Variants in MPP7 observed in about 807,000 individuals in gnomAD.
The protein encoded by MPP7 is MAGUK p55 scaffold protein 7.
In MPP7, 60 loss-of-function variants were observed where a neutral mutation model predicts 76.5. That is an observed-to-expected ratio of 0.78 (90% CI 0.64 to 0.97). MPP7 has a LOEUF of 0.97. Ranked by LOEUF, MPP7 falls within the 50% of genes least tolerant of loss-of-function variation. The pLI is 0.00. For synonymous variants in MPP7, 237 were observed against 244.5 expected (o/e 0.97, Z 0.29); for missense variants, 641 against 694.0 (o/e 0.92, Z 0.86).
intron 2 of MPP7, among the ~76,000 whole-genome samples, chr10:28,320,639 A>G (rs560527752): frequency 3.3e-5 from 5 of 152,268 alleles, no homozygotes; most frequent in African/African-American, 9.6e-5. Flanking sequence ...ATCACTACAC[A>G]TCGTTTCATA....
chr10:28,274,633 A>T (rs1319212021), intron 1 of MPP7, among the ~76,000 whole-genome samples: 1 of 152,122 alleles, frequency 6.6e-6, no homozygotes, highest in Non-Finnish European at 1.5e-5. Context: ...ATATCCATCC[A>T]CCCAGTGTTT....
At chr10:28,067,738 T>C (rs1000546634) in intron 13 of MPP7, among the ~76,000 whole-genome samples, 1 of 152,190 alleles carries the variant, frequency 6.6e-6, no homozygotes, top group East Asian at 1.9e-4. Context: ...ATGGGATAGA[T>C]TGGCTTATGG....
chr10:28,074,712 C>T (rs1852406612), intron 12 of MPP7, among the ~76,000 whole-genome samples: 1 of 152,206 alleles, frequency 6.6e-6, no homozygotes, highest in Admixed American at 6.5e-5. Context: ...GCACTTAAAA[C>T]TGATAAAGCC....
intron 3 of MPP7, among the ~76,000 whole-genome samples, chr10:28,196,010 A>G (rs977342608): frequency 6.6e-6 from 1 of 152,218 alleles, no homozygotes; most frequent in Non-Finnish European, 1.5e-5. Flanking sequence ...CTCCCAAATA[A>G]GAGCTGTCAG....
At chr10:28,055,823 C>A (rs551651112) in intron 16 of MPP7, among the ~76,000 whole-genome samples, 1 of 152,128 alleles carries the variant, frequency 6.6e-6, no homozygotes, top group African/African-American at 2.4e-5. Context: ...AGATTTTATA[C>A]AAATGTTCAG....
At chr10:28,180,173 G>A (rs1021831715) in intron 3 of MPP7, among the ~76,000 whole-genome samples, 2 of 152,214 alleles carry the variant, frequency 1.3e-5, no homozygotes, top group Non-Finnish European at 2.9e-5. Context: ...ATTGTGAAAT[G>A]TAGTAATGAA....
intron 3 of MPP7, among the ~76,000 whole-genome samples, chr10:28,190,678 T>C (rs1369637390): frequency 6.6e-6 from 1 of 152,128 alleles, no homozygotes; most frequent in African/African-American, 2.4e-5. Context: ...TTAGAATTTA[T>C]ACCACTGAAA....
intron 1 of MPP7, among the ~76,000 whole-genome samples, chr10:28,269,480 T>C (rs558668556): frequency 2.8e-4 from 42 of 152,206 alleles, no homozygotes; most frequent in African/African-American, 9.6e-4. Flanking sequence ...AAATCTTCAA[T>C]TGGCTGGAGA....
chr10:28,087,208 C>T (rs138289619), intron 12 of MPP7, among the ~76,000 whole-genome samples: 2 of 152,318 alleles, frequency 1.3e-5, no homozygotes, highest in African/African-American at 2.4e-5. Context: ...TCTCTCTCCA[C>T]GTGATCTCTG....
At chr10:28,068,567 C>A (rs2133360008) in intron 13 of MPP7, among the ~76,000 whole-genome samples, 1 of 152,116 alleles carries the variant, frequency 6.6e-6, no homozygotes, top group African/African-American at 2.4e-5. Context: ...TGTAAGAATG[C>A]CTATGAAAAC....
At chr10:28,136,849 T>G (rs1438800680) in intron 5 of MPP7, among the ~76,000 whole-genome samples, 1 of 152,146 alleles carries the variant, frequency 6.6e-6, no homozygotes, top group African/African-American at 2.4e-5. Flanking sequence ...TGAATAGGAC[T>G]TAGTGATCTG....
intron 2 of MPP7, among the ~76,000 whole-genome samples, chr10:28,231,401 G>A (rs1564719723): frequency 6.6e-6 from 1 of 151,440 alleles, no homozygotes; most frequent in Admixed American, 6.6e-5. Flanking sequence ...AAAAAGAACA[G>A]TAAAAATTAA....
At chr10:28,196,664 C>T (rs924708707) in intron 3 of MPP7, among the ~76,000 whole-genome samples, 3 of 152,098 alleles carry the variant, frequency 2.0e-5, no homozygotes, top group Non-Finnish European at 2.9e-5. Context: ...TATCCTCTTC[C>T]AACCCGCAAT....
chr10:28,057,605 CTTTTTTT>C lies in MPP7; in HGVS notation c.1407+883_1407+889del, dbSNP rs59550501. On this transcript the variant is annotated intron_variant, in intron 15 of 16. Transcript: ENST00000683449. ...GCAGAGCAGTGAGCCAATTAAACCT[CTTTTTTT>C]TTTTTTTTTTTTTTTTTTTTTTTAG... 1.6e-4 allele frequency: 20 copies of C among 122,592 alleles called. 1 individual carries two copies. The highest frequency in any genetic ancestry group is 2.6e-4 in the Admixed American group (1 of 3,844). The allele number at this position is 122,592 out of a possible 1,614,324, so 7.6% of individuals were successfully genotyped here.
intron 2 of MPP7, among the ~76,000 whole-genome samples, chr10:28,228,009 C>T (rs1052538568): frequency 6.6e-6 from 1 of 152,154 alleles, no homozygotes; most frequent in African/African-American, 2.4e-5. Flanking sequence ...TAATAATTGC[C>T]ATCCTGACTG....
At chr10:28,320,286 G>A (rs1589048099) in intron 2 of MPP7, among the ~76,000 whole-genome samples, 1 of 152,260 alleles carries the variant, frequency 6.6e-6, no homozygotes, top group African/African-American at 2.4e-5. Context: ...AAAGGAAAAC[G>A]AGGATGCCAG....
At chr10:28,123,959 A>G (rs1423477309) in intron 8 of MPP7, 72 bp downstream of exon 8, 3 of 1,021,904 alleles carry the variant, frequency 2.9e-6, no homozygotes, top group African/African-American at 1.6e-5. Context: ...ATGTCAAACC[A>G]AGTCTAAAAG....
intron 1 of MPP7, among the ~76,000 whole-genome samples, chr10:28,267,136 A>C (rs907134924): frequency 5.3e-5 from 8 of 152,184 alleles, no homozygotes; most frequent in Admixed American, 6.5e-5. Flanking sequence ...AGCCAAGTTC[A>C]TTCACTTATA....
chr10:28,131,798 A>G, intron 5 of MPP7, 107 bp from the exon 6 acceptor site: 1 of 482,206 alleles, frequency 2.1e-6, no homozygotes, highest in Non-Finnish European at 2.8e-6. Flanking sequence ...AAATCAAAAC[A>G]GTGTTACGGT....
Sources: allele counts gnomAD v4.1 joint callset (sites outside exome capture counted in the v4.1 genomes callset), GRCh38; gene constraint gnomAD v4.1.1; transcripts MANE v1.5; gene names NCBI Gene and HGNC (gene_info 2026-07-23, HGNC 2026-07-21).